The following SLC25A48 variants were observed in gnomAD, a reference collection of about 807,000 sequenced individuals.
SLC25A48 encodes the protein solute carrier family 25 member 48, also known as CTC-321K16.1.
In SLC25A48, 29 loss-of-function variants were observed where a neutral mutation model predicts 32.2. The observed-to-expected ratio is 0.90, with a 90% CI of 0.67 to 1.23. SLC25A48 has a LOEUF of 1.23. Among genes scored for constraint, SLC25A48 ranks in the 50% most tolerant of loss-of-function variants. The probability of loss-of-function intolerance (pLI) is 0.00; values close to 1 mark genes in which losing one functional copy is unlikely to be tolerated. For missense variants in SLC25A48, 399 were observed against 422.7 expected (o/e 0.94, Z 0.49); for synonymous variants, 164 against 172.3 (o/e 0.95, Z 0.38).
chr5:135,874,584 T>C (rs1761907999), intron 6 of SLC25A48: 2 of 621,274 alleles, frequency 3.2e-6, no homozygotes, highest in Middle Eastern at 2.5e-4. Flanking sequence ...TCAGCTCATC[T>C]CACCAGCTCC....
At chr5:135,782,406 C>A (rs576707520) in intron 3 of SLC25A48, among the ~76,000 whole-genome samples, 2 of 117,170 alleles carry the variant, frequency 1.7e-5, no homozygotes, top group South Asian at 6.2e-4. Context: ...CCCCCAATAC[C>A]GCAGCAGGTG....
At chr5:135,818,005 A>G (rs1757770118) in intron 4 of SLC25A48, among the ~76,000 whole-genome samples, 1 of 150,670 alleles carries the variant, frequency 6.6e-6, no homozygotes, top group Admixed American at 6.6e-5. Flanking sequence ...CTTGGACTTA[A>G]GACAGTGATC....
At chr5:135,733,497 T>C (rs1755281632) in intron 3 of SLC25A48, among the ~76,000 whole-genome samples, 1 of 152,144 alleles carries the variant, frequency 6.6e-6, no homozygotes, top group South Asian at 2.1e-4. Flanking sequence ...AGTATATGCA[T>C]CAGGTGGGAG....
At position 135,637,848 on chromosome 5, in the gene SLC25A48, T is replaced by TTTG. The variant is rs576697310; in HGVS notation, c.-521+2915_-521+2917dup. Among the ~76,000 whole-genome samples, 995 of 151,978 alleles carry TTTG rather than the reference T, an allele frequency of 6.5e-3. 3 individuals carry two copies. The highest frequency in any genetic ancestry group is 0.011 in the Non-Finnish European group (756 of 67,916). On this transcript the variant is annotated intron_variant, in intron 3 of 10. Transcript: ENST00000646290. ...GCCTGTACTGGATGTTTGGGCTGTA[T>TTTG]TTGTTGTTGTTGTTGTTGTTGTTGT...
chr5:135,702,821 G>A (rs1052515155), intron 3 of SLC25A48, among the ~76,000 whole-genome samples: 1 of 152,206 alleles, frequency 6.6e-6, no homozygotes, highest in Non-Finnish European at 1.5e-5. Context: ...ACGTGTTAGC[G>A]TGGCGTGGAG....
Position 135,765,912 on chromosome 5 carries a change from T to C in SLC25A48, c.-520-46611T>C, listed in dbSNP as rs1756206915. 2.0e-5 allele frequency among the ~76,000 whole-genome samples: 3 copies of C among 151,606 alleles called. No individual in the cohort carries two copies. In the South Asian group the frequency reaches 6.2e-4, roughly 32 times the overall value. On this transcript the variant is annotated intron_variant, in intron 3 of 10. Coordinates refer to the SLC25A48 transcript ENST00000646290. Reference sequence around the variant, plus strand: ...CACCCTCCTGTGTTATGGTTCAAGATATCCCAGGGGTGAGAGGGTCATATT... The same window carrying C: ...CACCCTCCTGTGTTATGGTTCAAGACATCCCAGGGGTGAGAGGGTCATATT...
At chr5:135,857,459 C>G (rs1760421197) in intron 4 of SLC25A48, among the ~76,000 whole-genome samples, 1 of 152,210 alleles carries the variant, frequency 6.6e-6, no homozygotes, top group African/African-American at 2.4e-5. Flanking sequence ...AAGGTACTGT[C>G]CACCCATCAC....
At chr5:135,591,365 G>T (rs1751523000) in intron 1 of SLC25A48, among the ~76,000 whole-genome samples, 1 of 152,192 alleles carries the variant, frequency 6.6e-6, no homozygotes, top group Non-Finnish European at 1.5e-5. Context: ...ATAGTGCCTG[G>T]TGCATCACTT....
chr5:135,766,034 G>A (rs1423049223), intron 3 of SLC25A48, among the ~76,000 whole-genome samples: 1 of 151,754 alleles, frequency 6.6e-6, no homozygotes, highest in Admixed American at 6.6e-5. Flanking sequence ...CACAGGGGGT[G>A]TGCACCTCCC....
intron 1 of SLC25A48, among the ~76,000 whole-genome samples, chr5:135,611,835 A>G (rs1216707941): frequency 6.6e-6 from 1 of 152,264 alleles, no homozygotes; most frequent in Non-Finnish European, 1.5e-5. Context: ...CCCTTATTCC[A>G]ACCTCTGCTA....
rs58919417 is a variant in SLC25A48, at chr5:135,758,605, A to G, written c.-520-53918A>G. ...TTTGAATAATATCTAGTGTTAACACACTATTATATTAATATGATATCATCT... is the reference window on the plus strand; with the variant it reads ...TTTGAATAATATCTAGTGTTAACACGCTATTATATTAATATGATATCATCT... On this transcript the variant is annotated intron_variant, in intron 3 of 10. Transcript: ENST00000646290. Among the ~76,000 whole-genome samples, 1,467 of 150,858 alleles carry G rather than the reference A, an allele frequency of 9.7e-3. 31 individuals are homozygous for G. Among genetic ancestry groups the G allele is most frequent in the African/African-American group, 0.033 (1,382 of 41,534 alleles).
At chr5:135,820,436 A>G (rs1757855334) in intron 4 of SLC25A48, among the ~76,000 whole-genome samples, 1 of 152,244 alleles carries the variant, frequency 6.6e-6, no homozygotes, top group African/African-American at 2.4e-5. Flanking sequence ...AGGCATTTCT[A>G]TATATTAATT....
intron 3 of SLC25A48, among the ~76,000 whole-genome samples, chr5:135,656,185 T>G (rs1012580620): frequency 6.6e-6 from 1 of 152,096 alleles, no homozygotes; most frequent in Non-Finnish European, 1.5e-5. Context: ...AGACTAGGGG[T>G]TTGATTTTTG....
intron 7 of SLC25A48, among the ~76,000 whole-genome samples, chr5:135,880,826 A>G (rs1475010594): frequency 6.6e-6 from 1 of 151,576 alleles, no homozygotes; most frequent in Non-Finnish European, 1.5e-5. Flanking sequence ...CTCCTTTCCT[A>G]CTTGTCCTTG....
intron 6 of SLC25A48, among the ~76,000 whole-genome samples, chr5:135,878,426 T>C (rs995210060): frequency 6.6e-6 from 1 of 152,184 alleles, no homozygotes; most frequent in Non-Finnish European, 1.5e-5. Context: ...TCCAGAAAGG[T>C]TAGACATTAG....
intron 3 of SLC25A48, among the ~76,000 whole-genome samples, chr5:135,635,997 C>T (rs568620092): frequency 6.6e-6 from 1 of 152,134 alleles, no homozygotes; most frequent in African/African-American, 2.4e-5. Context: ...TGAGTAGTCC[C>T]CCAACTCCCC....
upstream of SLC25A48, among the ~76,000 whole-genome samples, chr5:135,831,149 G>A (rs570807306): frequency 1.2e-3 from 183 of 152,284 alleles, no homozygotes; most frequent in African/African-American, 4.3e-3. Flanking sequence ...GTACCTTTGA[G>A]GGCCTGAAAG....
In SLC25A48 at chr5:135,720,072, C is replaced by T. The variant is rs369591596; in HGVS notation, c.-521+85116C>T. Among the ~76,000 whole-genome samples the T allele has an allele frequency of 7.2e-4, 110 of 152,292 alleles. 2 individuals are homozygous for T. The highest frequency in any genetic ancestry group is 2.3e-3 in the African/African-American group (94 of 41,578). ...TAAGCCTTTCAGTATTCCATTTTTT[C>T]ATTTAGTCAGCTAAAGGCTGAAAAA... On this transcript the variant is annotated intron_variant, in intron 3 of 10. Coordinates refer to the SLC25A48 transcript ENST00000646290.
chr5:135,871,806 G>A (rs755656441), intron 5 of SLC25A48, 88 bp downstream of exon 5: 2 of 1,578,122 alleles, frequency 1.3e-6, no homozygotes, highest in South Asian at 1.2e-5. Context: ...CTCAGCCCAG[G>A]GGGAGGGCAG....
Sources: gnomAD v4.1 joint callset for allele counts (sites outside exome capture counted in the v4.1 genomes callset) on GRCh38, gnomAD v4.1.1 for gene constraint, MANE v1.5 for transcripts, NCBI Gene and HGNC (gene_info 2026-07-23, HGNC 2026-07-21) for gene names.